CADPS2: variants seen among roughly 807,000 people sequenced by gnomAD.
CADPS2 encodes calcium-dependent secretion activator 2.
A neutral mutation model predicts 172.5 loss-of-function variants in CADPS2; 93 were observed. That is an observed-to-expected ratio of 0.54 (90% CI 0.46 to 0.64). CADPS2 has a LOEUF of 0.64. CADPS2 is among the 30% of genes least tolerant of loss of function. The pLI is 0.00. For missense variants in CADPS2, 1,420 were observed against 1,565.9 expected, an observed-to-expected ratio of 0.91 and a Z score of 1.57; for synonymous variants, 546 against 555.2, an observed-to-expected ratio of 0.98 and a Z score of 0.23.
At chr7:122,339,289 G>C (rs2036407294) in intron 28 of CADPS2, among the ~76,000 whole-genome samples, 1 of 152,050 alleles carries the variant, frequency 6.6e-6, no homozygotes, top group African/African-American at 2.4e-5. Flanking sequence ...TCCATGTTTT[G>C]TTGATTTCAA....
chr7:122,368,131 G>A (rs773322804), intron 25 of CADPS2: 6 of 152,292 alleles, frequency 3.9e-5, no homozygotes, highest in African/African-American at 1.2e-4. Context: ...TGCCTACCTC[G>A]ACCTCCCAAC....
At chr7:122,880,211 C>G (rs1822511505) in intron 1 of CADPS2, among the ~76,000 whole-genome samples, 1 of 152,124 alleles carries the variant, frequency 6.6e-6, no homozygotes, top group Middle Eastern at 3.2e-3. Context: ...CCAGTTCATT[C>G]TGGAATGGAA....
chr7:122,807,760 C>A (rs576921054), intron 1 of CADPS2, among the ~76,000 whole-genome samples: 1 of 152,206 alleles, frequency 6.6e-6, no homozygotes, highest in South Asian at 2.1e-4. Flanking sequence ...TGTGCACATA[C>A]AATCTTGGCA....
chr7:122,360,761 T>C, intron 27 of CADPS2, 27 bp downstream of exon 27: 1 of 1,541,686 alleles, frequency 6.5e-7, no homozygotes, highest in Non-Finnish European at 8.7e-7. Flanking sequence ...TCCATACAGT[T>C]TTAAAAAGCA....
intron 2 of CADPS2, among the ~76,000 whole-genome samples, chr7:122,691,954 C>G (rs1462779615): frequency 6.6e-6 from 1 of 152,218 alleles, no homozygotes; most frequent in African/African-American, 2.4e-5. Flanking sequence ...CATTAATAAA[C>G]ACAGCTCTGC....
At chr7:122,583,067 T>C (rs972260511) in intron 6 of CADPS2, among the ~76,000 whole-genome samples, 5 of 151,316 alleles carry the variant, frequency 3.3e-5, no homozygotes, top group Non-Finnish European at 5.9e-5. Flanking sequence ...ATAAGACAAA[T>C]AACAATGAAT....
At chr7:122,341,241 C>T (rs2036742167) in intron 28 of CADPS2, among the ~76,000 whole-genome samples, 2 of 152,216 alleles carry the variant, frequency 1.3e-5, no homozygotes, top group African/African-American at 4.8e-5. Context: ...TAATCTACTG[C>T]ACATGCTACT....
chr7:122,359,160 T>C (rs914240327), intron 27 of CADPS2, among the ~76,000 whole-genome samples: 8 of 152,192 alleles, frequency 5.3e-5, no homozygotes, highest in South Asian at 2.1e-4. Context: ...AGACAACATA[T>C]GCCTGTGAAT....
At position 122,596,697 on chromosome 7, in the gene CADPS2, A is replaced by G. The variant is rs568148245; in HGVS notation, c.1224-15407T>C. ...TCTGGACATAAAAGGCACACATTACATATTCAAGACAGAAGACAATGATGT... is the reference window on the plus strand; with the variant it reads ...TCTGGACATAAAAGGCACACATTACGTATTCAAGACAGAAGACAATGATGT... On this transcript the variant is annotated intron_variant, in intron 6 of 29. Coordinates refer to ENST00000449022, the MANE Select transcript of CADPS2 (RefSeq NM_017954.11). Among the ~76,000 whole-genome samples, 17 of 152,232 alleles carry G rather than the reference A, an allele frequency of 1.1e-4. No individual in the cohort carries two copies. In the South Asian group the frequency reaches 3.3e-3, roughly 30 times the overall value.
chr7:122,834,507 AC>A (rs774237833), intron 1 of CADPS2, among the ~76,000 whole-genome samples: 265 of 152,296 alleles, frequency 1.7e-3, no homozygotes, highest in Non-Finnish European at 3.3e-3. Context: ...CCCGGGGAGC[AC>A]AAGGGGTAAG....
intron 28 of CADPS2, among the ~76,000 whole-genome samples, chr7:122,326,391 T>C (rs1438174042): frequency 2.6e-5 from 4 of 152,104 alleles, no homozygotes; most frequent in Admixed American, 6.6e-5. Flanking sequence ...GTCAGTCTAG[T>C]AAAAGAAAAT....
chr7:122,340,927 A>T (rs1822518), intron 28 of CADPS2, among the ~76,000 whole-genome samples: 5 of 151,456 alleles, frequency 3.3e-5, no homozygotes, highest in Non-Finnish European at 7.4e-5. Flanking sequence ...CTTTTGGTAT[A>T]TTCATGATCT....
chr7:122,384,525 T>C (rs1025477876), intron 24 of CADPS2, among the ~76,000 whole-genome samples: 2 of 152,102 alleles, frequency 1.3e-5, no homozygotes, highest in African/African-American at 4.8e-5. Flanking sequence ...CCGAAACTTA[T>C]CTCAGCATAT....
At chr7:122,523,561 T>C (rs2060978889) in intron 8 of CADPS2, among the ~76,000 whole-genome samples, 1 of 152,160 alleles carries the variant, frequency 6.6e-6, no homozygotes, top group African/African-American at 2.4e-5. Context: ...TATTCCTTTT[T>C]ATTTTTAAAA....
At chr7:122,698,225 T>C (rs562636257) in intron 2 of CADPS2, 1 of 1,613,992 alleles carries the variant, frequency 6.2e-7, no homozygotes, top group East Asian at 2.2e-5. Context: ...CCAAATGTGT[T>C]CTGAAGATCT....
intron 25 of CADPS2, among the ~76,000 whole-genome samples, chr7:122,366,394 G>A (rs2040843040): frequency 6.7e-6 from 1 of 149,786 alleles, no homozygotes; most frequent in Admixed American, 6.7e-5. Flanking sequence ...CACGAGGTCA[G>A]GCATTTGAGA....
intron 1 of CADPS2, among the ~76,000 whole-genome samples, chr7:122,783,206 A>AC (rs1246338319): frequency 5.9e-5 from 9 of 151,722 alleles, no homozygotes; most frequent in African/African-American, 2.2e-4. Flanking sequence ...AAAAAAAAAA[A>AC]ACAAAAACAA....
intron 1 of CADPS2, among the ~76,000 whole-genome samples, chr7:122,875,153 G>C (rs1410711529): frequency 6.6e-6 from 1 of 152,188 alleles, no homozygotes; most frequent in African/African-American, 2.4e-5. Context: ...TTGCAGATGT[G>C]TACATACGTG....
intron 5 of CADPS2, among the ~76,000 whole-genome samples, chr7:122,618,565 A>T (rs2075229859): frequency 6.6e-6 from 1 of 152,136 alleles, no homozygotes; most frequent in South Asian, 2.1e-4. Flanking sequence ...AGTTTTTCAA[A>T]TCTGCACTTT....
Sources: allele counts gnomAD v4.1 joint callset (sites outside exome capture counted in the v4.1 genomes callset), GRCh38; gene constraint gnomAD v4.1.1; transcripts MANE v1.5; gene names NCBI Gene and HGNC (gene_info 2026-07-23, HGNC 2026-07-21).